API5: variants seen among roughly 807,000 people sequenced by gnomAD.
The protein encoded by API5 is apoptosis inhibitor 5.
API5 carries 6 observed loss-of-function variants against 71.9 expected under a neutral mutation model. That is an observed-to-expected ratio of 0.08 (90% confidence interval 0.05 to 0.16). The LOEUF (loss-of-function observed/expected upper bound fraction) is 0.16. API5 is among the 10% of genes least tolerant of loss of function. API5 has a pLI of 1.00. For missense variants in API5, 332 were observed against 612.8 expected (o/e 0.54, Z 4.84); for synonymous variants, 189 against 221.3 (o/e 0.85, Z 1.30).
At chr11:43,338,728 A>C (rs906627004) in intron 13 of API5, among the ~76,000 whole-genome samples, 1 of 150,990 alleles carries the variant, frequency 6.6e-6, no homozygotes, top group Non-Finnish European at 1.5e-5. Flanking sequence ...CAGTGTATTT[A>C]ATTTCCTCAT....
chr11:43,314,781 C>T (rs756936740), intron 1 of API5, among the ~76,000 whole-genome samples: 1 of 152,190 alleles, frequency 6.6e-6, no homozygotes, highest in Non-Finnish European at 1.5e-5. Context: ...TAATTCTGCT[C>T]TGTTGGGTTA....
At chr11:43,338,235 A>T (rs993280510) in intron 13 of API5, among the ~76,000 whole-genome samples, 1 of 152,204 alleles carries the variant, frequency 6.6e-6, no homozygotes, top group Non-Finnish European at 1.5e-5. Flanking sequence ...ACTTTATTTC[A>T]CCTGTTGAAA....
At chr11:43,330,245 A>G (rs931884540) in intron 10 of API5, 187 bp downstream of exon 10, 7 of 619,564 alleles carry the variant, frequency 1.1e-5, no homozygotes, top group Non-Finnish European at 1.4e-5. Flanking sequence ...AACAACTTCT[A>G]TGTGCATGTG....
intron 13 of API5, among the ~76,000 whole-genome samples, chr11:43,341,212 A>G (rs1027013082): frequency 1.9e-4 from 29 of 152,196 alleles, no homozygotes; most frequent in African/African-American, 7.0e-4. Context: ...CAAAACCACA[A>G]TGAGTAAGTT....
chr11:43,315,279 T>C (rs1854631857), intron 1 of API5, among the ~76,000 whole-genome samples: 1 of 152,202 alleles, frequency 6.6e-6, no homozygotes, highest in African/African-American at 2.4e-5. Context: ...AAATCCTCTT[T>C]TTGAACCCCT....
At chr11:43,329,445 T>C (rs1053183825) in intron 9 of API5, 15 of 155,108 alleles carry the variant, frequency 9.7e-5, no homozygotes, top group African/African-American at 3.6e-4. Context: ...ACTTGTTTTA[T>C]GATCTTGGGC....
At chr11:43,312,599 G>A (rs932317197) in intron 1 of API5, among the ~76,000 whole-genome samples, 11 of 151,988 alleles carry the variant, frequency 7.2e-5, no homozygotes, top group African/African-American at 2.2e-4. Flanking sequence ...GTTTTTTTTG[G>A]GGGGGAGGCA....
At chr11:43,326,483 G>T in intron 6 of API5, 24 bp from the exon 7 acceptor site, 1 of 1,407,978 alleles carries the variant, frequency 7.1e-7, no homozygotes, top group Non-Finnish European at 1.0e-6. Flanking sequence ...TTTCGACAAT[G>T]CATTTTCTTT....
At chr11:43,323,834 A>C (rs1275589897) in intron 6 of API5, among the ~76,000 whole-genome samples, 198 bp downstream of exon 6, 1 of 152,078 alleles carries the variant, frequency 6.6e-6, no homozygotes, top group African/African-American at 2.4e-5. Context: ...CAAAACCTGA[A>C]ATGCTTTAAT....
chr11:43,337,811 G>A (rs1855485444), intron 13 of API5, among the ~76,000 whole-genome samples: 1 of 152,158 alleles, frequency 6.6e-6, no homozygotes, highest in Non-Finnish European at 1.5e-5. Flanking sequence ...TACAAGAATT[G>A]TACTCCTTTT....
In API5 at chr11:43,328,793, G is replaced by A. The variant is rs1427801178; in HGVS notation, c.1027G>A (p.Val343Met). The A allele has an allele frequency of 6.2e-7, 1 of 1,614,100 alleles. No homozygotes were observed. The highest frequency in any genetic ancestry group is 1.7e-5 in the Admixed American group (1 of 60,002). Residue 343 changes from valine to methionine, a missense_variant, in exon 9 of 14, where the codon GTG (valine) becomes ATG (methionine). Around this residue, in one of 3 missense-constraint regions of API5, gnomAD observed 168 missense variants for 343.9 expected, o/e 0.49. Coordinates refer to ENST00000531273, the MANE Select transcript of API5 (RefSeq NM_001142930.2). ...AGAACCCAAGCTACAGTTCAGTTAT[G>A]TGGAATGTTTGTTGTACAGTTTTCA... is the stretch of plus-strand genomic sequence containing the variant. ...NEEPKLQFSY[V>M]ECLLYSFHQL...
At chr11:43,330,609 T>A in intron 11 of API5, 45 bp downstream of exon 11, 1 of 1,405,222 alleles carries the variant, frequency 7.1e-7, no homozygotes. Context: ...TACCATAAAA[T>A]CATACATTTA....
chr11:43,321,539 A>T (rs2134350643), intron 4 of API5, 63 bp downstream of exon 4: 5 of 1,302,130 alleles, frequency 3.8e-6, no homozygotes, highest in Non-Finnish European at 5.5e-6. Context: ...GTTAGGTGTT[A>T]CTCATTAAGA....
chr11:43,337,072 C>G (rs1042925397), intron 13 of API5, among the ~76,000 whole-genome samples: 2 of 151,520 alleles, frequency 1.3e-5, no homozygotes, highest in African/African-American at 4.9e-5. Flanking sequence ...ACATGTAAAC[C>G]CAACACTTTC....
rs1855202021 is a variant in API5 at position 43,330,042 on chromosome 11, C to A, written c.1205C>A (p.Ala402Asp). The A allele has an allele frequency of 6.2e-7, 1 of 1,613,516 alleles. No individual in the cohort carries two copies. Among genetic ancestry groups the A allele is most frequent in the Non-Finnish European group, 8.5e-7 (1 of 1,179,654 alleles). ...RLALQGKTGE[A>D]LKTEENKIKV... is the part of the protein sequence containing the mutation. ...GCTCTCCAGGGTAAAACGGGTGAGG[C>A]CTTAAAAACAGAAGAGGTAAGAATA... The change falls in exon 10 of 14, where the codon GCC becomes GAC. Residue 402 changes from alanine to aspartate, a missense_variant. This residue lies in a region of API5 where 168 missense variants were observed against 343.9 expected (regional missense o/e 0.49). Transcript: ENST00000531273.
intron 3 of API5, among the ~76,000 whole-genome samples, 164 bp from the exon 4 acceptor site, chr11:43,321,247 A>G (rs1036488504): frequency 6.6e-6 from 1 of 152,230 alleles, no homozygotes; most frequent in Non-Finnish European, 1.5e-5. Context: ...CGGGTTCTCA[A>G]CTTACAAGGA....
Position 43,342,559 on chromosome 11 carries a change from A to C in API5, c.*49A>C, listed in dbSNP as rs191181328. 1.9e-6 allele frequency: 3 copies of C among 1,576,256 alleles called. No homozygotes were observed. The East Asian group carries it at 6.7e-5, about 35-fold the overall frequency. ...ATTGTCATGAGCTTAATATACTTAAATTCTACTACTCATTGGATTGCCGGG... is the reference window on the plus strand; with the variant it reads ...ATTGTCATGAGCTTAATATACTTAACTTCTACTACTCATTGGATTGCCGGG... On this transcript the variant is annotated 3_prime_UTR_variant, in exon 14 of 14. Coordinates refer to ENST00000531273, the MANE Select transcript of API5 (RefSeq NM_001142930.2).
intron 13 of API5, 73 bp downstream of exon 13, chr11:43,336,067 G>A (rs1336459437): frequency 1.3e-6 from 2 of 1,544,748 alleles, no homozygotes; most frequent in South Asian, 2.4e-5. Flanking sequence ...ATTTTAATTA[G>A]TAATTATATA....
chr11:43,336,125 C>G, intron 13 of API5, 131 bp downstream of exon 13: 2 of 1,219,326 alleles, frequency 1.6e-6, no homozygotes, highest in Non-Finnish European at 1.1e-6. Context: ...GCTTGGAGAA[C>G]TAGGGCTGTT....
Sources: allele counts gnomAD v4.1 joint callset (sites outside exome capture counted in the v4.1 genomes callset), GRCh38; gene constraint gnomAD v4.1.1; regional missense constraint gnomAD v4.1.1; transcripts MANE v1.5; gene names NCBI Gene and HGNC (gene_info 2026-07-23, HGNC 2026-07-21).